Variants in GPHN observed in about 807,000 individuals in gnomAD.
GPHN encodes gephyrin.
In GPHN, 17 loss-of-function variants were observed where a neutral mutation model predicts 95.5. The observed-to-expected ratio is 0.18, with a 90% confidence interval of 0.12 to 0.27. GPHN has a LOEUF of 0.27. Ranked by LOEUF, GPHN falls within the 10% of genes least tolerant of loss-of-function variation. GPHN has a pLI of 1.00. For synonymous variants in GPHN, 320 were observed against 322.5 expected (o/e 0.99, Z 0.08); for missense variants, 660 against 978.1 (o/e 0.67, Z 4.34).
At chr14:67,347,989 T>A in the GPHN span, among the ~76,000 whole-genome samples, 1 of 151,722 alleles carries the variant, frequency 6.6e-6, no homozygotes, top group Non-Finnish European at 1.5e-5. Flanking sequence ...TTCAGCTCAC[T>A]GCAACCACCG....
At chr14:66,789,132 G>A (rs2153470083) in intron 3 of GPHN, among the ~76,000 whole-genome samples, 2 of 152,260 alleles carry the variant, frequency 1.3e-5, no homozygotes, top group Admixed American at 1.3e-4. Context: ...TAACTATCCA[G>A]TATGTTCACA....
At chr14:67,049,402 G>A (rs942812493) in intron 10 of GPHN, among the ~76,000 whole-genome samples, 1 of 151,164 alleles carries the variant, frequency 6.6e-6, no homozygotes, top group Non-Finnish European at 1.5e-5. Context: ...TAATTTTTTT[G>A]TATTTTTAGT....
intron 8 of GPHN, among the ~76,000 whole-genome samples, chr14:66,945,984 T>C (rs2067724307): frequency 6.6e-6 from 1 of 152,194 alleles, no homozygotes; most frequent in South Asian, 2.1e-4. Flanking sequence ...TCTGGGCCTG[T>C]GGACTTTGTA....
the GPHN span, chr14:67,473,267 C>A: frequency 9.5e-7 from 1 of 1,052,198 alleles, no homozygotes; most frequent in Middle Eastern, 3.2e-4. This position sits in a 1 kb window ranked among gnomAD's most constrained non-coding sequence, Gnocchi z 6.5. Context: ...CCAACACCGG[C>A]CCCCGCGGAC....
intron 1 of GPHN, among the ~76,000 whole-genome samples, chr14:66,634,070 A>T (rs527948151): frequency 6.6e-6 from 1 of 151,106 alleles, no homozygotes; most frequent in Non-Finnish European, 1.5e-5. Flanking sequence ...TTTCCTTAGG[A>T]TCATTATTAT....
At chr14:66,576,583 A>G (rs554517375) in intron 1 of GPHN, among the ~76,000 whole-genome samples, 342 of 152,294 alleles carry the variant, frequency 2.2e-3, no homozygotes, top group African/African-American at 7.7e-3. Context: ...GTAGGAGGCT[A>G]ACATACTTAT....
intron 2 of GPHN, among the ~76,000 whole-genome samples, chr14:66,772,993 T>A (rs1447807197): frequency 6.6e-6 from 1 of 152,062 alleles, no homozygotes; most frequent in Non-Finnish European, 1.5e-5. Context: ...TTTTTCCCCC[T>A]TCTTCCTTTA....
At chr14:66,716,634 A>G (rs187332070) in intron 2 of GPHN, among the ~76,000 whole-genome samples, 1 of 152,268 alleles carries the variant, frequency 6.6e-6, no homozygotes, top group East Asian at 1.9e-4. Context: ...TATGCTTTAA[A>G]TAAGTTCTGT....
the GPHN span, among the ~76,000 whole-genome samples, chr14:67,313,975 T>TAA: frequency 4.8e-3 from 692 of 143,742 alleles, 5 homozygotes; most frequent in African/African-American, 0.017. Flanking sequence ...AAACAAAAAT[T>TAA]AAAAAAAAAA....
At chr14:66,880,380 G>A (rs2063873746) in intron 5 of GPHN, among the ~76,000 whole-genome samples, 1 of 149,144 alleles carries the variant, frequency 6.7e-6, no homozygotes, top group Non-Finnish European at 1.5e-5. Flanking sequence ...TGTTGTTGTT[G>A]CTTGTTAAGT....
chr14:67,191,801 G>A, the GPHN span, among the ~76,000 whole-genome samples: 1 of 152,210 alleles, frequency 6.6e-6, no homozygotes, highest in Non-Finnish European at 1.5e-5. Context: ...AGAAGAACTA[G>A]CGTTGGTTTC....
intron 1 of GPHN, among the ~76,000 whole-genome samples, chr14:66,615,598 T>G (rs2062977400): frequency 6.6e-6 from 1 of 152,062 alleles, no homozygotes; most frequent in South Asian, 2.1e-4. Context: ...TTAAGTTCCT[T>G]GTAGATTCTG....
At chr14:67,027,394 G>T (rs912829525) in intron 10 of GPHN, among the ~76,000 whole-genome samples, 12 of 151,942 alleles carry the variant, frequency 7.9e-5, no homozygotes, top group Non-Finnish European at 1.6e-4. Flanking sequence ...GCAGTGGCAC[G>T]ATCTCTGCTC....
At chr14:67,340,634 A>G in the GPHN span, 1 of 847,290 alleles carries the variant, frequency 1.2e-6, no homozygotes, top group Admixed American at 2.4e-5. Flanking sequence ...TGTGCATTTA[A>G]TGCAGAGAAC....
At chr14:67,165,371 T>C in intron 20 of GPHN, 145 bp downstream of exon 20, 1 of 655,194 alleles carries the variant, frequency 1.5e-6, no homozygotes, top group South Asian at 1.8e-5. Context: ...TTAACCTCTC[T>C]AGGAAGTTTC....
chr14:66,557,583 T>C (rs72724584), intron 1 of GPHN, among the ~76,000 whole-genome samples: 5,991 of 152,310 alleles, frequency 0.039, 172 homozygotes, highest in Middle Eastern at 0.065. Context: ...CATTAAATCA[T>C]AAGTTAGAAC....
the GPHN span, among the ~76,000 whole-genome samples, chr14:67,543,019 C>T: frequency 6.6e-6 from 1 of 152,192 alleles, no homozygotes; most frequent in Non-Finnish European, 1.5e-5. Context: ...CTGGAAGATA[C>T]ATTCTAAACT....
the GPHN span, among the ~76,000 whole-genome samples, chr14:67,710,177 C>T: frequency 0.13 from 19,533 of 152,154 alleles, 1,312 homozygotes; most frequent in East Asian, 0.21. Flanking sequence ...GTTCCCTGAC[C>T]ACTTTGGGTA....
chr14:67,000,675 T>C (rs2072153161), intron 9 of GPHN, among the ~76,000 whole-genome samples: 1 of 151,658 alleles, frequency 6.6e-6, no homozygotes, highest in Non-Finnish European at 1.5e-5. Flanking sequence ...ATTTATTGAT[T>C]CCTACCTCAC....
Sources: gnomAD v4.1 joint callset for allele counts (sites outside exome capture counted in the v4.1 genomes callset) on GRCh38, gnomAD v4.1.1 for gene constraint, Gnocchi (gnomAD v3.1) non-coding constraint, MANE v1.5 for transcripts, NCBI Gene and HGNC (gene_info 2026-07-23, HGNC 2026-07-21) for gene names.